Variants in DAAM1 observed in about 807,000 individuals in gnomAD.
DAAM1 encodes the protein disheveled-associated activator of morphogenesis 1.
A neutral mutation model predicts 130.0 loss-of-function variants in DAAM1; 52 were observed. The ratio of observed to expected loss-of-function variants is 0.40; its 90% CI spans 0.32 to 0.50. DAAM1 has a LOEUF of 0.50. Ranked by LOEUF, DAAM1 falls within the 20% of genes least tolerant of loss-of-function variation. The pLI, the probability that DAAM1 is intolerant of heterozygous loss-of-function variation, is 0.61. For synonymous variants in DAAM1, 452 were observed against 444.5 expected, an observed-to-expected ratio of 1.02 and a Z score of -0.21; for missense variants, 1,134 against 1,303.8, an observed-to-expected ratio of 0.87 and a Z score of 2.01.
At chr14:59,316,179 A>G (rs546982784) in intron 4 of DAAM1, among the ~76,000 whole-genome samples, 2 of 152,286 alleles carry the variant, frequency 1.3e-5, no homozygotes, top group South Asian at 4.2e-4. Context: ...TTAAGAGTCA[A>G]TCTGTTATAT....
intron 1 of DAAM1, among the ~76,000 whole-genome samples, chr14:59,201,402 C>T (rs1014985016): frequency 6.6e-6 from 1 of 151,784 alleles, no homozygotes; most frequent in Non-Finnish European, 1.5e-5. Context: ...GTGGGTGGAC[C>T]ACCTGAGGTC....
At chr14:59,269,246 G>A (rs1882600680) in intron 2 of DAAM1, among the ~76,000 whole-genome samples, 2 of 152,318 alleles carry the variant, frequency 1.3e-5, no homozygotes, top group South Asian at 4.1e-4. Flanking sequence ...TTGTCTGGGA[G>A]GAAGCTTTAT....
At chr14:59,250,667 CAA>C (rs1321170527) in intron 1 of DAAM1, among the ~76,000 whole-genome samples, 1 of 151,944 alleles carries the variant, frequency 6.6e-6, no homozygotes, top group Non-Finnish European at 1.5e-5. Flanking sequence ...TCCACAGAGA[CAA>C]ACTTAGGTAC....
intron 1 of DAAM1, among the ~76,000 whole-genome samples, chr14:59,207,438 G>T (rs1429541292): frequency 6.6e-6 from 1 of 152,106 alleles, no homozygotes; most frequent in Non-Finnish European, 1.5e-5. Context: ...AAAAATTGAA[G>T]ATCCCAAAGA....
At chr14:59,204,569 T>G (rs1207987439) in intron 1 of DAAM1, among the ~76,000 whole-genome samples, 1 of 152,214 alleles carries the variant, frequency 6.6e-6, no homozygotes, top group Non-Finnish European at 1.5e-5. Context: ...ATGAGAGTGG[T>G]ATCTCATCAT....
chr14:59,242,231 CA>C (rs1031142867), intron 1 of DAAM1, among the ~76,000 whole-genome samples: 2 of 152,078 alleles, frequency 1.3e-5, no homozygotes, highest in African/African-American at 4.8e-5. Flanking sequence ...CAAATTATCC[CA>C]AAAGCTTTAT....
At chr14:59,314,731 T>C (rs1436915787) in intron 3 of DAAM1, among the ~76,000 whole-genome samples, 1 of 152,236 alleles carries the variant, frequency 6.6e-6, no homozygotes, top group Non-Finnish European at 1.5e-5. Flanking sequence ...TGTGAGTTCA[T>C]TTTACTACCT....
chr14:59,228,737 T>C (rs1283539367), intron 1 of DAAM1, among the ~76,000 whole-genome samples: 1 of 152,222 alleles, frequency 6.6e-6, no homozygotes, highest in African/African-American at 2.4e-5. Flanking sequence ...AGTCCACATG[T>C]CCACTTATAA....
intron 1 of DAAM1, among the ~76,000 whole-genome samples, chr14:59,246,587 C>G (rs977786337): frequency 1.3e-5 from 2 of 152,114 alleles, no homozygotes; most frequent in African/African-American, 2.4e-5. Flanking sequence ...GTTGCTGGAG[C>G]ATGCAGAATT....
At position 59,326,940 on chromosome 14, in the gene DAAM1, A is replaced by C; in HGVS notation, c.1321A>C (p.Asn441His). The C allele has an allele frequency of 6.2e-7, 1 of 1,613,980 alleles. No individual in the cohort carries two copies. The highest frequency in any genetic ancestry group is 1.1e-5 in the South Asian group (1 of 91,080). The change falls in exon 12 of 25, where the codon AAT becomes CAT. Residue 441 changes from asparagine to histidine, a missense_variant. Around this residue, in one of 3 missense-constraint regions of DAAM1, gnomAD observed 391 missense variants for 521.6 expected, o/e 0.75. Coordinates refer to ENST00000360909, the MANE Select transcript of DAAM1 (RefSeq NM_001270520.2). ...CCTTGAACTCTTACACAGGTTGGTT[A>C]ATGAAAATGAAGTTAAGCAGTGGAA... Reference protein sequence around the residue: ...NIKNVVRMLVNENEVKQWKEQ... With the variant: ...NIKNVVRMLVHENEVKQWKEQ...
chr14:59,195,542 CTG>C (rs1368635368), intron 1 of DAAM1, among the ~76,000 whole-genome samples: 1 of 152,086 alleles, frequency 6.6e-6, no homozygotes, highest in Admixed American at 6.6e-5. Flanking sequence ...TTAAGGCTAC[CTG>C]TATTTCTGCT....
intron 15 of DAAM1, among the ~76,000 whole-genome samples, 176 bp from the exon 16 acceptor site, chr14:59,339,898 A>G (rs1885777188): frequency 6.6e-6 from 1 of 152,206 alleles, no homozygotes; most frequent in South Asian, 2.1e-4. Flanking sequence ...TTTACCAACT[A>G]GACTGTAGCC....
At chr14:59,229,415 A>G (rs1889037961) in intron 1 of DAAM1, among the ~76,000 whole-genome samples, 1 of 152,202 alleles carries the variant, frequency 6.6e-6, no homozygotes, top group South Asian at 2.1e-4. Context: ...ATTCGTCTTT[A>G]TGACATACTG....
chr14:59,356,244 A>G (rs1426556791), intron 20 of DAAM1, among the ~76,000 whole-genome samples: 2 of 152,220 alleles, frequency 1.3e-5, no homozygotes, highest in African/African-American at 4.8e-5. Context: ...CTTTTACCCT[A>G]TATTTTCTAT....
intron 1 of DAAM1, among the ~76,000 whole-genome samples, chr14:59,209,198 T>C (rs1888354981): frequency 1.3e-5 from 2 of 152,312 alleles, no homozygotes; most frequent in African/African-American, 2.4e-5. Flanking sequence ...CATACATTTC[T>C]GTTCTCTTTA....
At chr14:59,318,328 C>T (rs1158345109) in intron 4 of DAAM1, among the ~76,000 whole-genome samples, 1 of 151,860 alleles carries the variant, frequency 6.6e-6, no homozygotes, top group Admixed American at 6.6e-5. Flanking sequence ...CACATTTGTG[C>T]CTCTCTGTCA....
At chr14:59,289,685 T>A (rs1389873190) in intron 2 of DAAM1, among the ~76,000 whole-genome samples, 1 of 150,122 alleles carries the variant, frequency 6.7e-6, no homozygotes, top group East Asian at 1.9e-4. Flanking sequence ...CACTTGTATG[T>A]TCATTGCAGC....
intron 1 of DAAM1, among the ~76,000 whole-genome samples, chr14:59,231,840 A>G (rs1326809495): frequency 3.3e-4 from 50 of 152,194 alleles, no homozygotes; most frequent in Admixed American, 3.3e-3. Flanking sequence ...TCTGCAGTGG[A>G]CTAAATATGT....
At position 59,320,573 on chromosome 14, in the gene DAAM1, A is replaced by G; in HGVS notation, c.429A>G (p.Thr143=). The G allele has an allele frequency of 6.4e-7, 1 of 1,563,842 alleles. No homozygotes were observed. The highest frequency in any genetic ancestry group is 2.3e-5 in the East Asian group (1 of 43,406). Reference sequence around the variant, plus strand: ...AGAGTTTAAAGACAGCACTGAGGACAAAACCAATGAGGTAATTTTCCCCTG... The same window carrying G: ...AGAGTTTAAAGACAGCACTGAGGACGAAACCAATGAGGTAATTTTCCCCTG... The part of the protein sequence containing the change: ...TIESLKTALR[T]KPMRFVTRFI... The change falls in exon 5 of 25, where the codon ACA becomes ACG. Residue 143 remains threonine (T), a synonymous_variant. Coordinates refer to ENST00000360909, the MANE Select transcript of DAAM1 (RefSeq NM_001270520.2).
Sources: gnomAD v4.1 joint callset for allele counts (sites outside exome capture counted in the v4.1 genomes callset) on GRCh38, gnomAD v4.1.1 for gene constraint, gnomAD v4.1.1 regional missense constraint, MANE v1.5 for transcripts, NCBI Gene and HGNC (gene_info 2026-07-23, HGNC 2026-07-21) for gene names.